SYT1: variants seen among roughly 807,000 people sequenced by gnomAD.
SYT1 encodes the protein synaptotagmin-1.
Under a neutral mutation model 44.8 loss-of-function variants are expected in SYT1, and 8 were observed. The ratio of observed to expected loss-of-function variants is 0.18; its 90% confidence interval spans 0.10 to 0.32. The LOEUF is 0.32. Among genes scored for constraint, SYT1 ranks in the 10% least tolerant of loss-of-function variants. The probability of loss-of-function intolerance (pLI) is 1.00; values close to 1 mark genes in which losing one functional copy is unlikely to be tolerated. For missense variants in SYT1, 286 were observed against 509.3 expected, an observed-to-expected ratio of 0.56 and a Z score of 4.22; for synonymous variants, 154 against 188.8, an observed-to-expected ratio of 0.82 and a Z score of 1.51.
intron 9 of SYT1, among the ~76,000 whole-genome samples, chr12:79,414,020 C>T (rs967534405): frequency 6.6e-6 from 1 of 152,114 alleles, no homozygotes; most frequent in African/African-American, 2.4e-5. Flanking sequence ...GGAGTACACC[C>T]CAATGAAAAT....
intron 2 of SYT1, among the ~76,000 whole-genome samples, chr12:79,010,173 T>A (rs1592658166): frequency 6.6e-6 from 1 of 152,096 alleles, no homozygotes; most frequent in Non-Finnish European, 1.5e-5. Context: ...GGTTGAAAAA[T>A]CAATAGAATT....
intron 3 of SYT1, among the ~76,000 whole-genome samples, chr12:79,072,752 T>C (rs1270939432): frequency 6.6e-6 from 1 of 152,166 alleles, no homozygotes; most frequent in South Asian, 2.1e-4. Flanking sequence ...GGGATGGATA[T>C]TCCAGAGAAA....
intron 4 of SYT1, among the ~76,000 whole-genome samples, chr12:79,267,164 C>T (rs1402156047): frequency 2.0e-5 from 3 of 152,168 alleles, no homozygotes; most frequent in Non-Finnish European, 4.4e-5. Context: ...TTGCTTATAG[C>T]TGTTGGCCTT....
chr12:78,936,792 C>T (rs1238738664), intron 1 of SYT1, among the ~76,000 whole-genome samples: 1 of 152,104 alleles, frequency 6.6e-6, no homozygotes, highest in Non-Finnish European at 1.5e-5. Context: ...TTCTTAAAAG[C>T]AGTGGTGGGG....
chr12:79,428,805 G>C (rs1331175580), intron 9 of SYT1, among the ~76,000 whole-genome samples: 1 of 152,110 alleles, frequency 6.6e-6, no homozygotes, highest in Non-Finnish European at 1.5e-5. Context: ...AATACCTGAG[G>C]CTGGGTAATT....
intron 3 of SYT1, among the ~76,000 whole-genome samples, chr12:79,072,403 A>G (rs1392977815): frequency 2.0e-5 from 3 of 152,156 alleles, no homozygotes; most frequent in Non-Finnish European, 4.4e-5. Context: ...AAATGTGACT[A>G]TAATAAAGTT....
At chr12:79,177,300 G>T (rs1871949866) in intron 3 of SYT1, among the ~76,000 whole-genome samples, 1 of 48,560 alleles carries the variant, frequency 2.1e-5, no homozygotes, top group African/African-American at 9.5e-5. Context: ...TGCGGTGTTT[G>T]GTTTTTTGTT....
chr12:79,169,530 TA>T (rs1212048222), intron 3 of SYT1, among the ~76,000 whole-genome samples: 1 of 151,968 alleles, frequency 6.6e-6, no homozygotes, highest in African/African-American at 2.4e-5. Context: ...AACAACATTT[TA>T]AAAACTCCTC....
chr12:79,349,037 G>GAAAGAAAGAAAGAA lies in SYT1; in HGVS notation c.811-4463_811-4450dup, dbSNP rs1565919890. ...AAAGAAAGAAAGAAAGAAAGAAAAA[G>GAAAGAAAGAAAGAA]AAAGAAAGAAAGAAAGAAAGGAGGG... On this transcript the variant is annotated intron_variant, in intron 8 of 10. Transcript: ENST00000261205. 6.5e-3 allele frequency among the ~76,000 whole-genome samples: 626 copies of GAAAGAAAGAAAGAA among 96,524 alleles called. 2 individuals are homozygous for GAAAGAAAGAAAGAA. Among genetic ancestry groups the GAAAGAAAGAAAGAA allele is most frequent in the Middle Eastern group, 0.015 (2 of 132 alleles). The allele number at this position is 96,524 out of a possible 152,430, so 63.3% of individuals were successfully genotyped here.
intron 1 of SYT1, among the ~76,000 whole-genome samples, chr12:78,921,879 C>CAAGGAGGAATAAGGAGGA (rs1877026361): frequency 6.6e-6 from 1 of 151,206 alleles, no homozygotes; most frequent in Non-Finnish European, 1.5e-5. Context: ...TGTAAATAAG[C>CAAGGAGGAATAAGGAGGA]AAAAAGAGGA....
intron 2 of SYT1, among the ~76,000 whole-genome samples, chr12:79,037,098 G>GC (rs957265760): frequency 5.9e-5 from 9 of 151,800 alleles, no homozygotes; most frequent in African/African-American, 1.2e-4. Flanking sequence ...ACCAACCAAA[G>GC]CCCCCCCAGG....
chr12:78,894,033 C>G (rs1184709543), intron 1 of SYT1, among the ~76,000 whole-genome samples: 1 of 151,478 alleles, frequency 6.6e-6, no homozygotes, highest in African/African-American at 2.4e-5. Flanking sequence ...TGTGTTCTTT[C>G]TACCTAACTT....
intron 9 of SYT1, among the ~76,000 whole-genome samples, chr12:79,365,567 T>C (rs2136035651): frequency 6.6e-6 from 1 of 152,222 alleles, no homozygotes; most frequent in East Asian, 1.9e-4. Flanking sequence ...CAAGTATTAA[T>C]ATCCCTGTAA....
At chr12:78,945,221 C>A (rs1477914236) in intron 1 of SYT1, among the ~76,000 whole-genome samples, 2 of 152,006 alleles carry the variant, frequency 1.3e-5, no homozygotes, top group African/African-American at 2.4e-5. Context: ...TTCATTTTTA[C>A]AAATTATTTC....
chr12:78,876,862 A>ATATAATATGTATTATATATAATACG (rs1874171852), intron 1 of SYT1, among the ~76,000 whole-genome samples: 1 of 51,140 alleles, frequency 2.0e-5, no homozygotes, highest in African/African-American at 9.7e-5. Flanking sequence ...TATATAATAT[A>ATATAATATGTATTATATATAATACG]TATAATATAT....
chr12:79,232,300 CAGA>C (rs1875916412), intron 4 of SYT1, among the ~76,000 whole-genome samples: 2 of 152,184 alleles, frequency 1.3e-5, no homozygotes, highest in African/African-American at 4.8e-5. Context: ...CATTACAACT[CAGA>C]ACTTTTCTGC....
intron 9 of SYT1, among the ~76,000 whole-genome samples, chr12:79,385,282 T>C (rs761633194): frequency 5.9e-5 from 9 of 152,162 alleles, no homozygotes; most frequent in Non-Finnish European, 1.2e-4. Flanking sequence ...CCACTGCTTC[T>C]GGGCAGGACC....
chr12:79,030,204 T>A (rs1872748671), intron 2 of SYT1, among the ~76,000 whole-genome samples: 1 of 151,140 alleles, frequency 6.6e-6, no homozygotes, highest in Admixed American at 6.6e-5. Flanking sequence ...TATATTAATT[T>A]TCTGAGTTTA....
At chr12:78,886,313 C>T (rs1874746563) in intron 1 of SYT1, among the ~76,000 whole-genome samples, 1 of 151,866 alleles carries the variant, frequency 6.6e-6, no homozygotes, top group Admixed American at 6.6e-5. Context: ...CCTCAAAATT[C>T]CTGGATTGGT....
Sources: allele counts gnomAD v4.1 joint callset (sites outside exome capture counted in the v4.1 genomes callset), GRCh38; gene constraint gnomAD v4.1.1; transcripts MANE v1.5; gene names NCBI Gene and HGNC (gene_info 2026-07-23, HGNC 2026-07-21).